The following NTM variants were observed in gnomAD, a reference collection of about 807,000 sequenced individuals.
NTM encodes the protein neurotrimin, also known as IgLON family member 2.
Under a neutral mutation model 42.1 loss-of-function variants are expected in NTM, and 13 were observed. The observed-to-expected ratio is 0.31, with a 90% CI of 0.20 to 0.49. The LOEUF (loss-of-function observed/expected upper bound fraction) is 0.49. NTM is among the 20% of genes least tolerant of loss of function. The pLI is 0.99. For missense variants in NTM, 373 were observed against 452.8 expected, an observed-to-expected ratio of 0.82 and a Z score of 1.60; for synonymous variants, 187 against 179.2, an observed-to-expected ratio of 1.04 and a Z score of -0.35.
chr11:131,885,673 T>C (rs117317396), intron 1 of NTM, among the ~76,000 whole-genome samples: 2 of 152,284 alleles, frequency 1.3e-5, no homozygotes, highest in East Asian at 1.9e-4. Flanking sequence ...AGGAGTCTCA[T>C]TGCATTATCA....
At chr11:131,497,696 G>C (rs1955498798) in intron 1 of NTM, among the ~76,000 whole-genome samples, 1 of 152,184 alleles carries the variant, frequency 6.6e-6, no homozygotes, top group Non-Finnish European at 1.5e-5. Flanking sequence ...TGAGTTCTGA[G>C]TCTTCTCTCC....
chr11:131,748,621 T>A (rs2082109927), intron 1 of NTM, among the ~76,000 whole-genome samples: 1 of 152,220 alleles, frequency 6.6e-6, no homozygotes, highest in Non-Finnish European at 1.5e-5. Context: ...AATGTATTCG[T>A]TTCCTATAAG....
intron 4 of NTM, among the ~76,000 whole-genome samples, chr11:132,286,480 G>C (rs1205022486): frequency 6.6e-6 from 1 of 152,166 alleles, no homozygotes; most frequent in Non-Finnish European, 1.5e-5. Context: ...GTAAATGCTA[G>C]AGAAGAACAC....
At chr11:132,304,683 A>G (rs2095010084) in intron 4 of NTM, among the ~76,000 whole-genome samples, 1 of 152,192 alleles carries the variant, frequency 6.6e-6, no homozygotes, top group African/African-American at 2.4e-5. Context: ...TAGTAGAGAA[A>G]AAGGTGGGTG....
chr11:131,950,297 A>G (rs994604369), intron 2 of NTM, among the ~76,000 whole-genome samples: 2 of 152,186 alleles, frequency 1.3e-5, no homozygotes, highest in Non-Finnish European at 2.9e-5. Flanking sequence ...TCCACTGCAC[A>G]CAGGTCTTTG....
At chr11:131,941,532 TC>T (rs1369044439) in intron 2 of NTM, among the ~76,000 whole-genome samples, 1 of 152,186 alleles carries the variant, frequency 6.6e-6, no homozygotes, top group Non-Finnish European at 1.5e-5. Context: ...TGTCTGTCTC[TC>T]CCCTGGAACT....
At chr11:132,258,840 G>T (rs376890474) in intron 4 of NTM, among the ~76,000 whole-genome samples, 1 of 152,186 alleles carries the variant, frequency 6.6e-6, no homozygotes, top group Non-Finnish European at 1.5e-5. Context: ...GTATTCACCT[G>T]TAAGATAGTG....
intron 4 of NTM, among the ~76,000 whole-genome samples, chr11:132,239,094 A>G (rs186851698): frequency 8.5e-5 from 13 of 152,346 alleles, no homozygotes; most frequent in Admixed American, 8.5e-4. Context: ...AATATCCCAG[A>G]TACAATAGAC....
intron 2 of NTM, among the ~76,000 whole-genome samples, chr11:132,119,155 C>A (rs149872675): frequency 6.6e-6 from 1 of 152,314 alleles, no homozygotes; most frequent in African/African-American, 2.4e-5. Flanking sequence ...GTGTCTGGAG[C>A]TTATTCCCAG....
At chr11:131,923,597 A>G (rs2057525088) in intron 2 of NTM, among the ~76,000 whole-genome samples, 1 of 152,174 alleles carries the variant, frequency 6.6e-6, no homozygotes, top group South Asian at 2.1e-4. Context: ...GCCTTTAAAT[A>G]TCCACTTTTG....
At chr11:131,863,673 C>T (rs541556005) in intron 1 of NTM, among the ~76,000 whole-genome samples, 11 of 152,320 alleles carry the variant, frequency 7.2e-5, no homozygotes, top group African/African-American at 1.4e-4. Flanking sequence ...TCCTGTCTGA[C>T]GTCCACAAGA....
chr11:131,780,007 C>T (rs1174797487), intron 1 of NTM, among the ~76,000 whole-genome samples: 3 of 152,154 alleles, frequency 2.0e-5, no homozygotes, highest in Admixed American at 1.3e-4. Flanking sequence ...AGAATCTCTG[C>T]CTTCACCACA....
intron 1 of NTM, among the ~76,000 whole-genome samples, chr11:131,378,595 A>C (rs1942263405): frequency 6.6e-6 from 1 of 152,200 alleles, no homozygotes; most frequent in Non-Finnish European, 1.5e-5. Flanking sequence ...GAAGGAAAGG[A>C]TTAACTTGTC....
chr11:132,126,031 C>T (rs948649615), intron 2 of NTM, among the ~76,000 whole-genome samples: 4 of 152,022 alleles, frequency 2.6e-5, no homozygotes, highest in Non-Finnish European at 5.9e-5. Context: ...CCTCGCTTTC[C>T]ATAAGCAGCT....
intron 1 of NTM, among the ~76,000 whole-genome samples, chr11:131,840,407 C>T (rs1160728730): frequency 2.6e-5 from 4 of 152,058 alleles, no homozygotes; most frequent in African/African-American, 4.8e-5. Context: ...GTGGAGTGAT[C>T]GATCAACTGT....
intron 1 of NTM, among the ~76,000 whole-genome samples, chr11:131,373,925 C>A (rs1299341095): frequency 6.6e-6 from 1 of 152,172 alleles, no homozygotes; most frequent in Non-Finnish European, 1.5e-5. Context: ...CGCGCAGCAC[C>A]CGGGAGGTGG....
At chr11:132,151,856 T>C (rs2071975907) in intron 3 of NTM, among the ~76,000 whole-genome samples, 1 of 152,178 alleles carries the variant, frequency 6.6e-6, no homozygotes, top group African/African-American at 2.4e-5. Context: ...GGGACTAGAC[T>C]AGGGAGACAC....
intron 2 of NTM, among the ~76,000 whole-genome samples, chr11:132,127,388 G>T (rs562387418): frequency 6.6e-6 from 1 of 152,322 alleles, no homozygotes; most frequent in South Asian, 2.1e-4. Context: ...TGCGGTGAGC[G>T]CATAGAGAGG....
chr11:132,286,518 C>T (rs372362296), intron 4 of NTM, among the ~76,000 whole-genome samples: 19 of 151,960 alleles, frequency 1.3e-4, no homozygotes, highest in Non-Finnish European at 1.8e-4. Context: ...GCCTGTCCGC[C>T]CCCCCCACCC....
Sources: gnomAD v4.1 joint callset for allele counts (sites outside exome capture counted in the v4.1 genomes callset) on GRCh38, gnomAD v4.1.1 for gene constraint, MANE v1.5 for transcripts, NCBI Gene and HGNC (gene_info 2026-07-23, HGNC 2026-07-21) for gene names.